CNTNAP5: variants seen among roughly 807,000 people sequenced by gnomAD.
CNTNAP5 encodes contactin-associated protein-like 5.
CNTNAP5 carries 72 observed loss-of-function variants against 150.2 expected under a neutral mutation model. That is an observed-to-expected ratio of 0.48 (90% CI 0.40 to 0.58). The LOEUF (loss-of-function observed/expected upper bound fraction) is 0.58, where lower values mean the gene tolerates loss of function less well. Ranked by LOEUF, CNTNAP5 falls within the 20% of genes least tolerant of loss-of-function variation. The pLI, the probability that CNTNAP5 is intolerant of heterozygous loss-of-function variation, is 0.00. For synonymous variants in CNTNAP5, 672 were observed against 619.8 expected, an observed-to-expected ratio of 1.08 and a Z score of -1.25; for missense variants, 1,636 against 1,626.2, an observed-to-expected ratio of 1.01 and a Z score of -0.10.
chr2:124,552,857 A>C (rs1037725712), intron 10 of CNTNAP5, among the ~76,000 whole-genome samples: 14 of 152,330 alleles, frequency 9.2e-5, no homozygotes, highest in African/African-American at 3.4e-4. Flanking sequence ...CAATCTCTTT[A>C]CGTACAGACG....
In CNTNAP5 at chr2:124,530,289, G is replaced by A. The variant is rs534436873; in HGVS notation, c.1649+2833G>A. Among the ~76,000 whole-genome samples the A allele has an allele frequency of 1.7e-3, 259 of 152,226 alleles. 2 individuals are homozygous for A. The highest frequency in any genetic ancestry group is 0.012 in the South Asian group (57 of 4,824). ...GGCACCTCTACACTCCAGCCTGGGC[G>A]ACAGAGCAAGACTCCGTCTAAAAAT... is the stretch of plus-strand genomic sequence containing the variant. On this transcript the variant is annotated intron_variant, in intron 10 of 23. Transcript: ENST00000682447.
intron 1 of CNTNAP5, among the ~76,000 whole-genome samples, chr2:124,129,099 G>GAA (rs11444930): frequency 1.9e-4 from 28 of 148,900 alleles, no homozygotes; most frequent in East Asian, 5.9e-4. Context: ...CATCAGAACA[G>GAA]AAAAAAAAAG....
intron 9 of CNTNAP5, among the ~76,000 whole-genome samples, chr2:124,525,957 G>A (rs1573436262): frequency 2.0e-5 from 3 of 152,306 alleles, no homozygotes; most frequent in South Asian, 4.1e-4. Flanking sequence ...GTATTATAAT[G>A]ATCGTAGAAC....
chr2:124,263,081 G>A (rs1364836688), intron 3 of CNTNAP5, among the ~76,000 whole-genome samples: 1 of 152,040 alleles, frequency 6.6e-6, no homozygotes, highest in Non-Finnish European at 1.5e-5. Flanking sequence ...CCAAGTCTTT[G>A]CTATTGTGAA....
intron 11 of CNTNAP5, among the ~76,000 whole-genome samples, chr2:124,588,218 TTC>T (rs1273545077): frequency 1.4e-5 from 2 of 148,000 alleles, no homozygotes; most frequent in Non-Finnish European, 3.0e-5. Context: ...CTTTCTTTCT[TTC>T]TTTCTTTCTT....
intron 3 of CNTNAP5, among the ~76,000 whole-genome samples, chr2:124,267,547 A>AAT (rs1418232936): frequency 4.6e-5 from 7 of 152,138 alleles, no homozygotes; most frequent in African/African-American, 1.7e-4. Flanking sequence ...AGGAAGACTA[A>AAT]ATATATTAGT....
intron 2 of CNTNAP5, among the ~76,000 whole-genome samples, chr2:124,238,579 T>A (rs181216011): frequency 6.6e-6 from 1 of 152,336 alleles, no homozygotes; most frequent in East Asian, 1.9e-4. Flanking sequence ...GTGTTCCCTT[T>A]AAGTGTAAAC....
rs753128638 is a variant in CNTNAP5, at chr2:124,763,696, C to T, written c.2259C>T (p.Ser753=). 5 of 1,612,588 alleles carry T rather than the reference C, an allele frequency of 3.1e-6. No homozygotes were observed. In the South Asian group the frequency reaches 5.5e-5, roughly 18 times the overall value. Residue 753 remains serine (S), a synonymous_variant, in exon 15 of 24, where the codon TCC becomes TCT. Coordinates refer to ENST00000682447, the MANE Select transcript of CNTNAP5 (RefSeq NM_001367498.1). ...GGACAAATGATACTGGCTTTCTTTC[C>T]TTCAAAGACCACTTGCCTGTCACTC... ...DEWTNDTGFL[S]FKDHLPVTQI...
At chr2:124,475,045 T>A (rs1341304325) in intron 7 of CNTNAP5, among the ~76,000 whole-genome samples, 163 bp downstream of exon 7, 1 of 152,044 alleles carries the variant, frequency 6.6e-6, no homozygotes, top group Non-Finnish European at 1.5e-5. Context: ...TGGCAGATAT[T>A]GAATCTGTGT....
rs536194882 is a variant in CNTNAP5, at chr2:124,753,637, G to A, written c.2234+6252G>A. 5.9e-5 allele frequency among the ~76,000 whole-genome samples: 9 copies of A among 152,272 alleles called. No homozygotes were observed. The East Asian group carries it at 1.7e-3, about 29-fold the overall frequency. The stretch of plus-strand genomic sequence containing the variant: ...CCAGGTTTATTCATGTTATTGAAAA[G>A]GGCAGGGTTTTCTTAATTTGCCAAG... On this transcript the variant is annotated intron_variant, in intron 14 of 23. Transcript: ENST00000682447.
At chr2:124,501,393 C>T (rs965756208) in intron 7 of CNTNAP5, among the ~76,000 whole-genome samples, 14 of 152,158 alleles carry the variant, frequency 9.2e-5, no homozygotes, top group African/African-American at 3.4e-4. Flanking sequence ...GGGAATGAAA[C>T]TTCCTTCTCG....
intron 19 of CNTNAP5, among the ~76,000 whole-genome samples, chr2:124,856,453 C>T (rs1677376159): frequency 6.6e-6 from 1 of 152,218 alleles, no homozygotes; most frequent in African/African-American, 2.4e-5. Context: ...ACATTCCCAC[C>T]AGCATTGTAG....
chr2:124,543,242 T>C (rs1234472308), intron 10 of CNTNAP5, among the ~76,000 whole-genome samples: 1 of 152,128 alleles, frequency 6.6e-6, no homozygotes, highest in Admixed American at 6.6e-5. Flanking sequence ...ATTTGAGCAA[T>C]GTAGTCTATA....
At chr2:124,784,090 A>G (rs1274082309) in intron 17 of CNTNAP5, among the ~76,000 whole-genome samples, 1 of 152,180 alleles carries the variant, frequency 6.6e-6, no homozygotes, top group Admixed American at 6.5e-5. Flanking sequence ...TAGGTGGTAA[A>G]TGCAGCTGAA....
At chr2:124,487,509 TG>T (rs1693913782) in intron 7 of CNTNAP5, among the ~76,000 whole-genome samples, 1 of 152,086 alleles carries the variant, frequency 6.6e-6, no homozygotes, top group South Asian at 2.1e-4. Flanking sequence ...ACAGTATGTT[TG>T]TGCAGCTGAA....
intron 11 of CNTNAP5, among the ~76,000 whole-genome samples, chr2:124,586,871 C>T (rs761082547): frequency 7.9e-5 from 12 of 152,124 alleles, no homozygotes; most frequent in East Asian, 3.9e-4. Flanking sequence ...ATATCATATC[C>T]GATTTTTTAT....
intron 3 of CNTNAP5, among the ~76,000 whole-genome samples, chr2:124,357,573 C>T (rs1483793395): frequency 2.0e-5 from 3 of 150,868 alleles, no homozygotes; most frequent in Non-Finnish European, 4.4e-5. Context: ...AATCCTTTCC[C>T]CATTGCTTGT....
At chr2:124,504,668 T>A in intron 8 of CNTNAP5, 112 bp downstream of exon 8, 2 of 1,024,714 alleles carry the variant, frequency 2.0e-6, no homozygotes, top group Non-Finnish European at 2.8e-6. Context: ...GTTAGCCCAG[T>A]ATTCACAAAT....
chr2:124,384,841 G>A (rs895737166), intron 3 of CNTNAP5, among the ~76,000 whole-genome samples: 8 of 152,168 alleles, frequency 5.3e-5, no homozygotes, highest in Non-Finnish European at 7.3e-5. Flanking sequence ...TCAGAGACAG[G>A]TGCCAAGCCC....
Sources: gnomAD v4.1 joint callset for allele counts (sites outside exome capture counted in the v4.1 genomes callset) on GRCh38, gnomAD v4.1.1 for gene constraint, MANE v1.5 for transcripts, NCBI Gene and HGNC (gene_info 2026-07-23, HGNC 2026-07-21) for gene names.